The following LCP2 variants were observed in gnomAD, a reference collection of about 807,000 sequenced individuals.
LCP2 encodes lymphocyte cytosolic protein 2, also known as 76 kDa tyrosine phosphoprotein.
A neutral mutation model predicts 74.5 loss-of-function variants in LCP2; 29 were observed. The observed-to-expected ratio is 0.39, with a 90% CI of 0.29 to 0.53. The LOEUF (loss-of-function observed/expected upper bound fraction) is 0.53. LCP2 is among the 20% of genes least tolerant of loss of function. The probability of loss-of-function intolerance (pLI) is 0.72; values close to 1 mark genes in which losing one functional copy is unlikely to be tolerated. For synonymous variants in LCP2, 228 were observed against 229.5 expected (o/e 0.99, Z 0.06); for missense variants, 604 against 634.6 (o/e 0.95, Z 0.52).
At position 170,246,249 on chromosome 5, in the gene LCP2, C is replaced by A; in HGVS notation, c.*2448G>T. 1.4e-6 allele frequency: 1 copy of A among 734,794 alleles called. No homozygotes were observed. The highest frequency in any genetic ancestry group is 2.1e-6 in the Non-Finnish European group (1 of 483,158). 45.5% of individuals were successfully genotyped at this position (734,794 alleles called of 1,614,324 possible). On this transcript the variant is annotated 3_prime_UTR_variant, in exon 21 of 21. Transcript: ENST00000046794. ...AACAAGCAGTTCATGTTCTTGAAGGCTGTTTAATGTTTTGAAGAATGGCTT... is the reference window on the plus strand; with the variant it reads ...AACAAGCAGTTCATGTTCTTGAAGGATGTTTAATGTTTTGAAGAATGGCTT...
At position 170,258,064 on chromosome 5, in the gene LCP2, G is replaced by A; in HGVS notation, c.1073C>T (p.Ser358Phe). Residue 358 changes from serine to phenylalanine, a missense_variant, in exon 16 of 21, where the codon TCT (serine) becomes TTT (phenylalanine). Transcript: ENST00000046794. ...KPSPMNPLPS[S>F]HMPGAFSESN... ...TTCTGAGAATGCTCCAGGCATGTGA[G>A]AGGATGGGAGAGGGTTCATGGGACT... The A allele has an allele frequency of 6.2e-7, 1 of 1,613,962 alleles. No homozygotes were observed.
rs1440505024 is a variant in LCP2, at chr5:170,270,719, C to A, written c.523G>T (p.Asp175Tyr). The change falls in exon 7 of 21, where the codon GAC becomes TAC. Residue 175 changes from aspartate (D) to tyrosine (Y), a missense_variant and splice_region_variant. Asp to Tyr is a radical substitution (Grantham distance 160, BLOSUM62 -3). Transcript: ENST00000046794. ...PFPNSNSMYI[D>Y]RPPSGKTPQQ... ...AGAAAATCCGGAAACGGGCCCTTAC[C>A]GATGTACATGGAGTTGGAGTTGGGG... 1 of 1,570,828 alleles carries A rather than the reference C, an allele frequency of 6.4e-7. No homozygotes were observed. Among genetic ancestry groups the A allele is most frequent in the Non-Finnish European group, 8.6e-7 (1 of 1,161,054 alleles).
At chr5:170,277,074 TA>T (rs750930541) in intron 3 of LCP2, among the ~76,000 whole-genome samples, 32,550 of 90,986 alleles carry the variant, frequency 0.36, 5,250 homozygotes, top group Middle Eastern at 0.51. Context: ...GACTCCATCT[TA>T]AAAAAAAAAA....
intron 14 of LCP2, 148 bp downstream of exon 14, chr5:170,260,959 G>A (rs765901283): frequency 3.1e-6 from 2 of 648,418 alleles, no homozygotes; most frequent in Non-Finnish European, 5.6e-6. Flanking sequence ...AAAGACAGAG[G>A]CACCAGCCCT....
intron 1 of LCP2, 102 bp downstream of exon 1, chr5:170,297,432 C>T (rs1762409654): frequency 4.8e-6 from 5 of 1,050,494 alleles, no homozygotes; most frequent in South Asian, 4.5e-5. Flanking sequence ...CCATTGCTAT[C>T]TTATACACCT....
intron 15 of LCP2, 30 bp downstream of exon 15, chr5:170,258,836 T>C (rs17648354): frequency 0.021 from 32,813 of 1,546,984 alleles, 433 homozygotes; most frequent in Non-Finnish European, 0.024. Flanking sequence ...GAATGAGTTA[T>C]AGGCTGTAAG....
intron 3 of LCP2, among the ~76,000 whole-genome samples, chr5:170,283,180 C>T (rs1415558959): frequency 6.6e-6 from 1 of 152,154 alleles, no homozygotes; most frequent in South Asian, 2.1e-4. Flanking sequence ...CTAGGGTGCA[C>T]ATTCAAACAC....
chr5:170,277,616 C>T (rs1310034048), intron 3 of LCP2, among the ~76,000 whole-genome samples: 3 of 151,718 alleles, frequency 2.0e-5, no homozygotes, highest in African/African-American at 4.8e-5. Context: ...GCATGGTGCA[C>T]GCCTGTAATC....
intron 10 of LCP2, among the ~76,000 whole-genome samples, chr5:170,264,978 CTTTTTTTT>C (rs58508083): frequency 9.2e-6 from 1 of 108,994 alleles, no homozygotes; most frequent in Non-Finnish European, 1.8e-5. Context: ...CAAAATTTGC[CTTTTTTTT>C]TTTTTTTTTT....
intron 3 of LCP2, among the ~76,000 whole-genome samples, chr5:170,282,986 G>A (rs1223303032): frequency 6.6e-6 from 1 of 152,210 alleles, no homozygotes; most frequent in East Asian, 1.9e-4. Flanking sequence ...GTCTAGGGAT[G>A]TGTCCCAGGT....
chr5:170,268,388 G>A lies in LCP2; in HGVS notation c.618C>T (p.His206=). The A allele has an allele frequency of 1.3e-6, 1 of 747,726 alleles. No homozygotes were observed. The highest frequency in any genetic ancestry group is 1.8e-6 in the Non-Finnish European group (1 of 567,288). The allele number at this position is 747,726 out of a possible 1,614,324, so 46.3% of individuals were successfully genotyped here. ...AAAAGAACGGGAGGAGGCCTACCGA[G>A]TGATTCCGGCCGGCTGGTGGGGGCG... ...ALPPPPAGRN[H]SPLPPPQTNH... Residue 206 remains histidine (H), a synonymous_variant, in exon 8 of 21, where the codon CAC becomes CAT. Transcript: ENST00000046794.
intron 3 of LCP2, among the ~76,000 whole-genome samples, chr5:170,278,249 C>T (rs1339437565): frequency 2.1e-5 from 3 of 144,148 alleles, no homozygotes; most frequent in African/African-American, 2.6e-5. Context: ...ACAAAGATCC[C>T]TGCTAGTGGA....
chr5:170,262,370 C>A (rs1251265315), intron 13 of LCP2, among the ~76,000 whole-genome samples: 3 of 152,176 alleles, frequency 2.0e-5, no homozygotes, highest in African/African-American at 7.2e-5. Flanking sequence ...AAATATTTGA[C>A]TGGAATCTCT....
At chr5:170,289,934 C>G (rs3804252) in intron 2 of LCP2, among the ~76,000 whole-genome samples, 17,402 of 151,592 alleles carry the variant, frequency 0.11, 1,070 homozygotes, top group Middle Eastern at 0.14. Context: ...TCTGCTGAGA[C>G]GAGGGCGTAA....
intron 3 of LCP2, among the ~76,000 whole-genome samples, chr5:170,278,996 G>A (rs1284809247): frequency 3.9e-5 from 6 of 152,170 alleles, no homozygotes; most frequent in Admixed American, 3.3e-4. Flanking sequence ...TGGTTGCTAT[G>A]GCTATTGCTA....
In LCP2 at chr5:170,246,285, A is replaced by C; in HGVS notation, c.*2412T>G. 2 of 547,278 alleles carry C rather than the reference A, an allele frequency of 3.7e-6. No individual in the cohort carries two copies. Among genetic ancestry groups the C allele is most frequent in the Non-Finnish European group, 6.2e-6 (2 of 323,226 alleles). 33.9% of individuals were successfully genotyped at this position (547,278 alleles called of 1,614,324 possible). On this transcript the variant is annotated 3_prime_UTR_variant, in exon 21 of 21. Transcript: ENST00000046794. ...TTTGAAGAATGGCTTAACTTACGTC[A>C]CTAATGGCAAGTGTATGACATAGGA...
intron 1 of LCP2, among the ~76,000 whole-genome samples, chr5:170,296,852 A>T (rs1049299701): frequency 1.3e-5 from 2 of 152,166 alleles, no homozygotes; most frequent in Non-Finnish European, 2.9e-5. Flanking sequence ...TGGGGCTCAC[A>T]TCAGTTTTCT....
At chr5:170,253,336 G>A (rs192530806) in intron 17 of LCP2, 123 bp from the exon 18 acceptor site, 48 of 542,368 alleles carry the variant, frequency 8.9e-5, no homozygotes, top group East Asian at 6.8e-4. Context: ...CCTATAGTTC[G>A]CATTTTAAGA....
At chr5:170,250,968 G>A in intron 19 of LCP2, 83 bp from the exon 20 acceptor site, 1 of 1,096,694 alleles carries the variant, frequency 9.1e-7, no homozygotes, top group Non-Finnish European at 1.3e-6. Flanking sequence ...CAAGCCTCTA[G>A]GGATCTGACA....
Sources: allele counts gnomAD v4.1 joint callset (sites outside exome capture counted in the v4.1 genomes callset), GRCh38; gene constraint gnomAD v4.1.1; transcripts MANE v1.5; gene names NCBI Gene and HGNC (gene_info 2026-07-23, HGNC 2026-07-21).